The following RAB11A variants were observed in gnomAD, a reference collection of about 807,000 sequenced individuals.
RAB11A encodes the protein RAB11A, member RAS oncogene family.
RAB11A carries 9 observed loss-of-function variants against 28.0 expected under a neutral mutation model. That is an observed-to-expected ratio of 0.32 (90% CI 0.19 to 0.56). The LOEUF is 0.56. Among genes scored for constraint, RAB11A ranks in the 20% least tolerant of loss-of-function variants. The pLI, the probability that RAB11A is intolerant of heterozygous loss-of-function variation, is 0.91. For missense variants in RAB11A, 108 were observed against 269.6 expected (o/e 0.40, Z 4.20); for synonymous variants, 85 against 88.2 (o/e 0.96, Z 0.20).
At chr15:65,871,886 A>G (rs1389212653) in intron 1 of RAB11A, among the ~76,000 whole-genome samples, 1 of 150,668 alleles carries the variant, frequency 6.6e-6, no homozygotes, top group Non-Finnish European at 1.5e-5. Context: ...AATAAATGGT[A>G]ATAATGTGAA....
intron 4 of RAB11A, among the ~76,000 whole-genome samples, chr15:65,883,072 C>T (rs537524724): frequency 6.6e-5 from 10 of 152,146 alleles, no homozygotes; most frequent in Non-Finnish European, 1.0e-4. Context: ...GAGTACTTTT[C>T]AGTGTATATT....
chr15:65,877,819 A>T lies in RAB11A; in HGVS notation c.294A>T (p.Thr98=), dbSNP rs148440353. The T allele has an allele frequency of 6.4e-4, 1,038 of 1,611,172 alleles. No individual in the cohort carries two copies. Among genetic ancestry groups the T allele is most frequent in the Middle Eastern group, 4.5e-3 (27 of 6,062 alleles). ...TTTATGACATTGCTAAACATCTCAC[A>T]TATGAAAATGTAGAGCGATGGCTGA... ...LLVYDIAKHL[T]YENVERWLKE... is the part of the protein sequence containing the mutation. Residue 98 remains threonine, a synonymous_variant, in exon 3 of 5, where the codon ACA becomes ACT. Coordinates refer to ENST00000261890, the MANE Select transcript of RAB11A (RefSeq NM_004663.5). This position sits in a 1 kb window ranked among gnomAD's most constrained non-coding sequence, Gnocchi z 4.1.
intron 1 of RAB11A, among the ~76,000 whole-genome samples, chr15:65,872,474 T>G (rs11636840): frequency 0.18 from 26,443 of 150,502 alleles, 2,489 homozygotes; most frequent in African/African-American, 0.2. Flanking sequence ...CGCTCTTGTT[T>G]CCCAGGTTGG....
rs1167335333 is a variant in RAB11A at position 65,891,541 on chromosome 15, A to C, written c.*3701A>C. On this transcript the variant is annotated 3_prime_UTR_variant, in exon 5 of 5. Coordinates refer to ENST00000261890, the MANE Select transcript of RAB11A (RefSeq NM_004663.5). ...TTTGAGCCTCACATTCTTCCAATTA[A>C]TGAGGGTACCAGATTAAATAAACTC... 1 of 152,212 alleles carries C rather than the reference A, an allele frequency of 6.6e-6. No individual in the cohort carries two copies. Among genetic ancestry groups the C allele is most frequent in the African/African-American group, 2.4e-5 (1 of 41,438 alleles). The allele number at this position is 152,212 out of a possible 1,614,324, so 9.4% of individuals were successfully genotyped here. A position where few individuals can be genotyped will look rare whatever the true frequency, so the allele number is the denominator to read the frequency against.
chr15:65,883,497 C>G (rs967021621), intron 4 of RAB11A, among the ~76,000 whole-genome samples: 1 of 152,182 alleles, frequency 6.6e-6, no homozygotes, highest in African/African-American at 2.4e-5. Context: ...CTATTAATTA[C>G]TAGTGATGTT....
In RAB11A at chr15:65,879,551, C is replaced by G. The variant is rs1345433189; in HGVS notation, c.431-120C>G. 3 of 647,294 alleles carry G rather than the reference C, an allele frequency of 4.6e-6. No individual in the cohort carries two copies. The African/African-American group carries it at 5.6e-5, about 12-fold the overall frequency. The allele number at this position is 647,294 out of a possible 1,614,324, so 40.1% of individuals were successfully genotyped here. On this transcript the variant is annotated intron_variant, in intron 3 of 4. Coordinates refer to ENST00000261890, the MANE Select transcript of RAB11A (RefSeq NM_004663.5). ...AAACAGAATGGTGCCCTTACTGTCC[C>G]AGAAGTTGAGGAGGTCTTAAGTTTT...
chr15:65,884,147 A>G (rs763031441), intron 4 of RAB11A, among the ~76,000 whole-genome samples: 1 of 151,846 alleles, frequency 6.6e-6, no homozygotes, highest in Non-Finnish European at 1.5e-5. Context: ...TACTAAAATT[A>G]AAATTAAAAA....
intron 1 of RAB11A, among the ~76,000 whole-genome samples, chr15:65,870,716 T>C (rs889433813): frequency 9.2e-5 from 14 of 151,964 alleles, no homozygotes; most frequent in African/African-American, 3.1e-4. Flanking sequence ...TCCCAAAAGG[T>C]TGGGGGTGGG....
rs2141103519 is a variant in RAB11A, at chr15:65,877,528, G to A, written c.236+1G>A. 1 of 1,610,270 alleles carries A rather than the reference G, an allele frequency of 6.2e-7. No individual in the cohort carries two copies. The highest frequency in any genetic ancestry group is 8.5e-7 in the Non-Finnish European group (1 of 1,177,198). On this transcript the variant is annotated splice_donor_variant, in intron 2 of 4. Coordinates refer to ENST00000261890, the MANE Select transcript of RAB11A (RefSeq NM_004663.5). LOFTEE classifies it high-confidence loss of function. This position sits in a 1 kb window ranked among gnomAD's most constrained non-coding sequence, Gnocchi z 4.1. ...AGCGATATCGAGCTATAACATCAGC[G>A]TAAGTCTCATGGTTTTTAAGTTCTG...
intron 1 of RAB11A, among the ~76,000 whole-genome samples, chr15:65,870,332 G>T (rs2141098680): frequency 6.6e-6 from 1 of 152,310 alleles, no homozygotes; most frequent in East Asian, 1.9e-4. Context: ...CCCAAATCGT[G>T]TTTAGAGCTC....
At position 65,889,852 on chromosome 15, in the gene RAB11A, C is replaced by A. The variant is rs1389325344; in HGVS notation, c.*2012C>A. 6.6e-6 allele frequency: 1 copy of A among 152,078 alleles called. No homozygotes were observed. The highest frequency in any genetic ancestry group is 1.5e-5 in the Non-Finnish European group (1 of 68,020). The allele number at this position is 152,078 out of a possible 1,614,324, so 9.4% of individuals were successfully genotyped here. On this transcript the variant is annotated 3_prime_UTR_variant, in exon 5 of 5. Coordinates refer to ENST00000261890, the MANE Select transcript of RAB11A (RefSeq NM_004663.5). The stretch of plus-strand genomic sequence containing the variant: ...AATGTTGCTTTGAGTATGGCTGGAT[C>A]TTGGGAGAATTCCAGGAAATATTAG...
At position 65,891,150 on chromosome 15, in the gene RAB11A, C is replaced by T. The variant is rs2078292714; in HGVS notation, c.*3310C>T. 6.6e-6 allele frequency: 1 copy of T among 152,174 alleles called. No homozygotes were observed. The highest frequency in any genetic ancestry group is 2.4e-5 in the African/African-American group (1 of 41,440). 9.4% of individuals were successfully genotyped at this position (152,174 alleles called of 1,614,324 possible). On this transcript the variant is annotated 3_prime_UTR_variant, in exon 5 of 5. Transcript: ENST00000261890. ...GGATTTGACAAGTCTTTCCCACTCA[C>T]CTATACAATATGCCAAATCAACTGG...
intron 1 of RAB11A, among the ~76,000 whole-genome samples, chr15:65,875,464 A>G (rs1357726583): frequency 6.6e-6 from 1 of 152,192 alleles, no homozygotes; most frequent in African/African-American, 2.4e-5. Context: ...TCAACTAACC[A>G]TCCTATAAAA....
intron 1 of RAB11A, among the ~76,000 whole-genome samples, chr15:65,873,221 G>A (rs1033562719): frequency 6.6e-6 from 1 of 152,134 alleles, no homozygotes; most frequent in Non-Finnish European, 1.5e-5. Context: ...CGAACAATGT[G>A]GTTAAGGCCC....
At position 65,877,646 on chromosome 15, in the gene RAB11A, C is replaced by A; in HGVS notation, c.237-116C>A. 2 of 1,322,626 alleles carry A rather than the reference C, an allele frequency of 1.5e-6. No homozygotes were observed. The highest frequency in any genetic ancestry group is 5.1e-5 in the Admixed American group (2 of 39,144). 81.9% of individuals were successfully genotyped at this position (1,322,626 alleles called of 1,614,324 possible). On this transcript the variant is annotated intron_variant, in intron 2 of 4. Transcript: ENST00000261890. This position sits in a 1 kb window ranked among gnomAD's most constrained non-coding sequence, Gnocchi z 4.1. The stretch of plus-strand genomic sequence containing the variant: ...TTTTAAGAATTCTAGTATTAGGAAT[C>A]CTTAGAAATTTATTTATAAGTATGT...
chr15:65,874,287 C>T (rs1420408591), intron 1 of RAB11A, among the ~76,000 whole-genome samples: 1 of 149,792 alleles, frequency 6.7e-6, no homozygotes, highest in Non-Finnish European at 1.5e-5. Context: ...AGTGCAATGG[C>T]GCGATTTCAG....
rs1218784079 is a variant in RAB11A at position 65,889,707 on chromosome 15, C to T, written c.*1867C>T. The T allele has an allele frequency of 6.6e-6, 1 of 152,128 alleles. No individual in the cohort carries two copies. Among genetic ancestry groups the T allele is most frequent in the Admixed American group, 6.5e-5 (1 of 15,276 alleles). 9.4% of individuals were successfully genotyped at this position (152,128 alleles called of 1,614,324 possible). On this transcript the variant is annotated 3_prime_UTR_variant, in exon 5 of 5. Coordinates refer to ENST00000261890, the MANE Select transcript of RAB11A (RefSeq NM_004663.5). Reference sequence around the variant, plus strand: ...CACCAGACCCAGGAAAAGAAACCATCTCTATTTTATTGAAAGTTGGTGGTA... The same window carrying T: ...CACCAGACCCAGGAAAAGAAACCATTTCTATTTTATTGAAAGTTGGTGGTA...
intron 1 of RAB11A, among the ~76,000 whole-genome samples, chr15:65,875,718 C>G (rs1055007543): frequency 6.6e-6 from 1 of 152,188 alleles, no homozygotes; most frequent in Non-Finnish European, 1.5e-5. Flanking sequence ...CAAGACTGTC[C>G]AGAGGCTAGC....
chr15:65,872,219 G>A (rs1260208091), intron 1 of RAB11A, among the ~76,000 whole-genome samples: 1 of 151,994 alleles, frequency 6.6e-6, no homozygotes, highest in Non-Finnish European at 1.5e-5. Flanking sequence ...CTCCCCAAGT[G>A]CTGGGATTAT....
Sources: allele counts gnomAD v4.1 joint callset (sites outside exome capture counted in the v4.1 genomes callset), GRCh38; gene constraint gnomAD v4.1.1; non-coding constraint Gnocchi (gnomAD v3.1); transcripts MANE v1.5; gene names NCBI Gene and HGNC (gene_info 2026-07-23, HGNC 2026-07-21).